EMC4: variants seen among roughly 807,000 people sequenced by gnomAD.
EMC4 encodes cell proliferation-inducing gene 17 protein.
Under a neutral mutation model 24.2 loss-of-function variants are expected in EMC4, and 9 were observed. The observed-to-expected ratio is 0.37, with a 90% CI of 0.22 to 0.65. EMC4 has a LOEUF of 0.65. Ranked by LOEUF, EMC4 falls within the 30% of genes least tolerant of loss-of-function variation. The pLI is 0.59. For missense variants in EMC4, 169 were observed against 234.6 expected (o/e 0.72, Z 1.83); for synonymous variants, 86 against 81.1 (o/e 1.06, Z -0.32).
chr15:34,225,056 C>A lies in EMC4; in HGVS notation c.-59C>A, dbSNP rs930037910. On this transcript the variant is annotated 5_prime_UTR_variant, in exon 1 of 5. The change creates a new upstream start codon in the 5' untranslated region. Coordinates refer to ENST00000267750, the MANE Select transcript of EMC4 (RefSeq NM_016454.4). Reference sequence around the variant, plus strand: ...GACAAAGCGGAGAACGCTGGTGGGCCTGTTGTGGAGTACGCTTTGGACTGA... The same window carrying A: ...GACAAAGCGGAGAACGCTGGTGGGCATGTTGTGGAGTACGCTTTGGACTGA... The A allele has an allele frequency of 3.3e-5, 45 of 1,374,466 alleles. No homozygotes were observed. The highest frequency in any genetic ancestry group is 4.4e-5 in the Non-Finnish European group (43 of 985,284). The allele number at this position is 1,374,466 out of a possible 1,614,324, so 85.1% of individuals were successfully genotyped here. A position where few individuals can be genotyped will look rare whatever the true frequency, so the allele number is the denominator to read the frequency against.
chr15:34,227,586 G>A, intron 2 of EMC4, 107 bp from the exon 3 acceptor site: 1 of 1,248,806 alleles, frequency 8.0e-7, no homozygotes, highest in Non-Finnish European at 1.1e-6. Flanking sequence ...AGCTCAGTTA[G>A]AAGCAGGGAG....
chr15:34,225,310 A>ATCACCTG, intron 1 of EMC4, 110 bp downstream of exon 1: 1 of 1,009,488 alleles, frequency 9.9e-7, no homozygotes, highest in Non-Finnish European at 1.4e-6. Flanking sequence ...GCACACAGAC[A>ATCACCTG]TCACCTGGGG....
Position 34,225,541 on chromosome 15 carries a change from G to A in EMC4, c.92G>A (p.Arg31Gln). The A allele has an allele frequency of 6.2e-7, 1 of 1,613,760 alleles. No individual in the cohort carries two copies. The highest frequency in any genetic ancestry group is 8.5e-7 in the Non-Finnish European group (1 of 1,179,726). The change falls in exon 2 of 5, where the codon CGA (arginine) becomes CAA (glutamine). Residue 31 changes from arginine to glutamine, a missense_variant. Transcript: ENST00000267750. ...LSGPGGGSRG[R>Q]SDRGSGQGDS... ...TTCTTGGTTTGGTTTTTTAGGGGTC[G>A]AAGTGACCGGGGCAGTGGCCAGGGA...
Position 34,228,518 on chromosome 15 carries a change from T to G in EMC4, c.445T>G (p.Tyr149Asp). The G allele has an allele frequency of 1.9e-6, 3 of 1,614,114 alleles. No individual in the cohort carries two copies. The highest frequency in any genetic ancestry group is 2.5e-6 in the Non-Finnish European group (3 of 1,180,014). ...CCTGATGGGTTTGGCATTGGCTGTT[T>G]ACAAGTGCCAGTCCATGGGACTGTT... Reference protein sequence around the residue: ...GNLMGLALAVYKCQSMGLLPT... With the variant: ...GNLMGLALAVDKCQSMGLLPT... Residue 149 changes from tyrosine (Y) to aspartate (D), a missense_variant, in exon 4 of 5, where the codon TAC becomes GAC. Coordinates refer to ENST00000267750, the MANE Select transcript of EMC4 (RefSeq NM_016454.4).
chr15:34,227,005 T>C (rs1890665718), intron 2 of EMC4: 1 of 152,124 alleles, frequency 6.6e-6, no homozygotes, highest in Admixed American at 6.6e-5. Context: ...TTATAATTTC[T>C]TCATGTATCA....
chr15:34,228,083 TGA>T, intron 3 of EMC4: 1 of 459,836 alleles, frequency 2.2e-6, no homozygotes, highest in Non-Finnish European at 4.0e-6. Flanking sequence ...CTTGGGAGGC[TGA>T]GACAGGAGAA....
chr15:34,228,829 C>G (rs779172611), intron 4 of EMC4: 6 of 305,284 alleles, frequency 2.0e-5, no homozygotes, highest in Non-Finnish European at 3.0e-5. Flanking sequence ...GGATTACAGG[C>G]ACCTGCCACC....
rs112089865 is a variant in EMC4 at position 34,227,957 on chromosome 15, T to C, written c.355+111T>C. On this transcript the variant is annotated intron_variant, in intron 3 of 4. Coordinates refer to ENST00000267750, the MANE Select transcript of EMC4 (RefSeq NM_016454.4). ...GCACTTTGGGAGGCGCCAAGCTGGG[T>C]GGATCATCTGAGGGCAGGAGTTCGA... 4,178 of 1,147,152 alleles carry C rather than the reference T, an allele frequency of 3.6e-3. 118 individuals are homozygous for C. The African/African-American group carries it at 0.058, about 16-fold the overall frequency. 71.1% of individuals were successfully genotyped at this position (1,147,152 alleles called of 1,614,324 possible).
rs7598 is a variant in EMC4, at chr15:34,229,978, T to C, written c.*190T>C. The C allele has an allele frequency of 6.9e-3, 4,349 of 632,254 alleles. 141 individuals are homozygous for C. In the African/African-American group the frequency reaches 0.073, roughly 11 times the overall value. The allele number at this position is 632,254 out of a possible 1,614,324, so 39.2% of individuals were successfully genotyped here. A position where few individuals can be genotyped will look rare whatever the true frequency, so the allele number is the denominator to read the frequency against. ...CATATTACGACAAACACAAAGAAAC[T>C]ATACCATAACCCAAGGCTGAAAATA... On this transcript the variant is annotated 3_prime_UTR_variant, in exon 5 of 5. Coordinates refer to ENST00000267750, the MANE Select transcript of EMC4 (RefSeq NM_016454.4).
At chr15:34,228,182 C>CA (rs913764875) in intron 3 of EMC4, 155 of 492,500 alleles carry the variant, frequency 3.1e-4, no homozygotes, top group African/African-American at 1.8e-3. Flanking sequence ...GACTCCATCT[C>CA]AAAAAAAAGG....
chr15:34,228,305 G>A (rs1357260414), intron 3 of EMC4, 124 bp from the exon 4 acceptor site: 2 of 964,922 alleles, frequency 2.1e-6, no homozygotes, highest in African/African-American at 1.6e-5. Context: ...TTTTCTGTTT[G>A]CCTTTAATGG....
intron 1 of EMC4, 25 bp downstream of exon 1, chr15:34,225,225 A>C (rs374121022): frequency 2.6e-6 from 4 of 1,519,264 alleles, no homozygotes; most frequent in East Asian, 2.5e-5. Flanking sequence ...CAAGCTGTAC[A>C]TCACTGTTCA....
Position 34,227,690 on chromosome 15 carries a change from T to C in EMC4, c.202-3T>C. 6.2e-7 allele frequency: 1 copy of C among 1,613,200 alleles called. No individual in the cohort carries two copies. The highest frequency in any genetic ancestry group is 8.5e-7 in the Non-Finnish European group (1 of 1,179,220). ...AGGGTTAAAATTGTGTGTTTTGTTT[T>C]AGCGCTGCTGGGACATCGCCTTGGG... is the stretch of plus-strand genomic sequence containing the variant. On this transcript the variant is annotated splice_polypyrimidine_tract_variant and splice_region_variant and intron_variant, in intron 2 of 4. Transcript: ENST00000267750.
intron 2 of EMC4, chr15:34,227,417 A>G (rs2140594368): frequency 3.2e-6 from 1 of 308,354 alleles, no homozygotes; most frequent in South Asian, 4.8e-5. Flanking sequence ...GTACCAGGAC[A>G]AAAGCAGGGA....
At position 34,229,863 on chromosome 15, in the gene EMC4, A is replaced by G. The variant is rs755208093; in HGVS notation, c.*75A>G. The G allele has an allele frequency of 1.1e-5, 15 of 1,377,598 alleles. No homozygotes were observed. In the Admixed American group the frequency reaches 1.2e-4, roughly 11 times the overall value. 85.3% of individuals were successfully genotyped at this position (1,377,598 alleles called of 1,614,324 possible). A position where few individuals can be genotyped will look rare whatever the true frequency, so the allele number is the denominator to read the frequency against. On this transcript the variant is annotated 3_prime_UTR_variant, in exon 5 of 5. Transcript: ENST00000267750. ...CCTTCTTTAAGCCCAGTGGCTCCTC[A>G]GCATACTCTTAAACTAATCACTTAT...
chr15:34,227,616 G>A (rs1003461100), intron 2 of EMC4, 77 bp from the exon 3 acceptor site: 9 of 1,484,828 alleles, frequency 6.1e-6, no homozygotes, highest in Admixed American at 1.7e-5. Flanking sequence ...CCGTTCATGT[G>A]ATTTAGCATC....
intron 2 of EMC4, chr15:34,226,806 A>G (rs1263756189): frequency 6.6e-6 from 1 of 152,178 alleles, no homozygotes; most frequent in African/African-American, 2.4e-5. Flanking sequence ...GGCCTCCCAA[A>G]GTGCTGGGAT....
intron 2 of EMC4, chr15:34,226,084 G>A (rs1396372079): frequency 6.1e-6 from 2 of 329,666 alleles, no homozygotes; most frequent in South Asian, 2.5e-5. Flanking sequence ...TACAGACAGG[G>A]TATCACCATG....
intron 3 of EMC4, 103 bp downstream of exon 3, chr15:34,227,949 A>G: frequency 2.5e-6 from 3 of 1,216,872 alleles, no homozygotes; most frequent in South Asian, 1.4e-5. Context: ...GGGAGGCGCC[A>G]AGCTGGGTGG....
Sources: gnomAD v4.1 joint callset for allele counts on GRCh38, gnomAD v4.1.1 for gene constraint, MANE v1.5 for transcripts, NCBI Gene and HGNC (gene_info 2026-07-23, HGNC 2026-07-21) for gene names.